LRRC7: variants seen among roughly 807,000 people sequenced by gnomAD.
LRRC7 encodes leucine-rich repeat-containing protein 7.
Under a neutral mutation model 175.7 loss-of-function variants are expected in LRRC7, and 23 were observed. That is an observed-to-expected ratio of 0.13 (90% CI 0.09 to 0.19). LRRC7 has a LOEUF of 0.19. LRRC7 is among the 10% of genes least tolerant of loss of function. The probability of loss-of-function intolerance (pLI) is 1.00; values close to 1 mark genes in which losing one functional copy is unlikely to be tolerated. For missense variants in LRRC7, 1,354 were observed against 1,904.7 expected, an observed-to-expected ratio of 0.71 and a Z score of 5.38; for synonymous variants, 685 against 680.9, an observed-to-expected ratio of 1.01 and a Z score of -0.09.
intron 8 of LRRC7, among the ~76,000 whole-genome samples, chr1:69,939,967 A>G (rs1057077165): frequency 2.0e-5 from 3 of 152,240 alleles, no homozygotes; most frequent in Admixed American, 2.0e-4. Flanking sequence ...CATACTTCCA[A>G]ATGAGTTTCT....
chr1:69,890,190 T>C (rs1328112930), intron 7 of LRRC7, among the ~76,000 whole-genome samples: 1 of 152,226 alleles, frequency 6.6e-6, no homozygotes, highest in Non-Finnish European at 1.5e-5. Context: ...GAGGAATCAC[T>C]ATCTGGCTCT....
At position 70,129,282 on chromosome 1, in the gene LRRC7, C is replaced by G. The variant is rs980799674; in HGVS notation, c.*7395C>G. Among the ~76,000 whole-genome samples the G allele has an allele frequency of 1.3e-5, 2 of 150,752 alleles. No homozygotes were observed. The highest frequency in any genetic ancestry group is 2.9e-5 in the Non-Finnish European group (2 of 67,816). On this transcript the variant is annotated 3_prime_UTR_variant, in exon 27 of 27. Transcript: ENST00000651989. The stretch of plus-strand genomic sequence containing the variant: ...AAAAAAGTGTCACGAAAAGTGTGAG[C>G]TAGATGAATATTTGCCAGGATTTAG...
At chr1:69,816,719 A>G (rs772549827) in intron 4 of LRRC7, among the ~76,000 whole-genome samples, 12 of 152,158 alleles carry the variant, frequency 7.9e-5, no homozygotes, top group Non-Finnish European at 1.6e-4. Context: ...TACTAACTAT[A>G]GTCTCCATAG....
At chr1:69,904,056 G>A (rs12032829) in intron 7 of LRRC7, among the ~76,000 whole-genome samples, 6,452 of 152,196 alleles carry the variant, frequency 0.042, 206 homozygotes, top group East Asian at 0.15. Flanking sequence ...TAGATTCACA[G>A]CCAAATTCTA....
At chr1:70,115,704 C>A (rs1457897014) in intron 26 of LRRC7, among the ~76,000 whole-genome samples, 1 of 151,910 alleles carries the variant, frequency 6.6e-6, no homozygotes, top group Non-Finnish European at 1.5e-5. Context: ...ATAGACATAC[C>A]CAAATTATAC....
chr1:70,086,264 C>T (rs1663601525), intron 24 of LRRC7, among the ~76,000 whole-genome samples: 1 of 152,122 alleles, frequency 6.6e-6, no homozygotes, highest in East Asian at 1.9e-4. Context: ...TCTAGGACTA[C>T]AGGTGTGCAC....
chr1:70,141,148 A>G lies in LRRC7; in HGVS notation c.*19261A>G, dbSNP rs540069671. ...GAAGAGATAACAAAAGATGTAGATA[A>G]GAGGACATTGTTAACTGGTGGCTGC... On this transcript the variant is annotated 3_prime_UTR_variant, in exon 27 of 27. Transcript: ENST00000651989. Among the ~76,000 whole-genome samples, 2 of 152,264 alleles carry G rather than the reference A, an allele frequency of 1.3e-5. No homozygotes were observed. The highest frequency in any genetic ancestry group is 3.9e-4 in the East Asian group (2 of 5,178).
At chr1:69,904,580 T>G (rs1646237553) in intron 7 of LRRC7, among the ~76,000 whole-genome samples, 1 of 152,138 alleles carries the variant, frequency 6.6e-6, no homozygotes, top group South Asian at 2.1e-4. Context: ...TCGAGTAACA[T>G]AAAAAATTAT....
intron 1 of LRRC7, among the ~76,000 whole-genome samples, chr1:69,604,174 C>T (rs1446945659): frequency 6.6e-6 from 1 of 151,990 alleles, no homozygotes; most frequent in Admixed American, 6.6e-5. Context: ...TGGGAATTTA[C>T]GTAGATGAAT....
chr1:69,792,126 A>G lies in LRRC7; in HGVS notation c.387A>G (p.Leu129=), dbSNP rs773300750. Residue 129 remains leucine, a synonymous_variant, in exon 4 of 27, where the codon TTA becomes TTG. Coordinates refer to ENST00000651989, the MANE Select transcript of LRRC7 (RefSeq NM_001370785.2). ...ATCTGCCAACCACTATTGCTAGTTT[A>G]GTTAATCTTAAAGAACTCGACATCA... ...LSNLPTTIAS[L]VNLKELDISK... is the part of the protein sequence containing the mutation. 76 of 1,607,862 alleles carry G rather than the reference A, an allele frequency of 4.7e-5. No individual in the cohort carries two copies. Among genetic ancestry groups the G allele is most frequent in the Middle Eastern group, 3.3e-4 (2 of 6,040 alleles).
chr1:69,842,411 C>T (rs979849458), intron 7 of LRRC7, among the ~76,000 whole-genome samples: 2 of 152,002 alleles, frequency 1.3e-5, no homozygotes, highest in Non-Finnish European at 2.9e-5. Context: ...TATGTAAATG[C>T]ATGTGTTAAT....
In LRRC7 at chr1:70,143,495, A is replaced by G. The variant is rs1228343856; in HGVS notation, c.*21608A>G. 2 of 152,172 alleles carry G rather than the reference A, an allele frequency of 1.3e-5. No individual in the cohort carries two copies. The highest frequency in any genetic ancestry group is 2.9e-5 in the Non-Finnish European group (2 of 68,014). 9.4% of individuals were successfully genotyped at this position (152,172 alleles called of 1,614,324 possible). A position where few individuals can be genotyped will look rare whatever the true frequency, so the allele number is the denominator to read the frequency against. On this transcript the variant is annotated 3_prime_UTR_variant, in exon 27 of 27. Transcript: ENST00000651989. ...TATATTAATGCATGCATTTCACTGC[A>G]TAGTTTATTGACACTACCCTTGTAA...
At chr1:69,899,392 CT>C (rs756373429) in intron 7 of LRRC7, among the ~76,000 whole-genome samples, 173 of 152,302 alleles carry the variant, frequency 1.1e-3, no homozygotes, top group Middle Eastern at 0.01. Context: ...CCTAACAAGA[CT>C]CCTGAAGTAG....
intron 25 of LRRC7, among the ~76,000 whole-genome samples, chr1:70,103,242 A>AAC (rs973800268): frequency 2.6e-5 from 4 of 152,016 alleles, no homozygotes; most frequent in African/African-American, 9.7e-5. Context: ...AAGAAAAAAA[A>AAC]AAAAACCTAA....
chr1:69,944,875 G>A (rs979211360), intron 8 of LRRC7, among the ~76,000 whole-genome samples: 1 of 151,556 alleles, frequency 6.6e-6, no homozygotes, highest in African/African-American at 2.4e-5. Flanking sequence ...CTATTATTGA[G>A]TCTTTTTAAT....
rs530535317 is a variant in LRRC7 at position 70,124,756 on chromosome 1, A to G, written c.*2869A>G. The stretch of plus-strand genomic sequence containing the variant: ...AAAAAAAGTCAAGGGTGTGCCTTTT[A>G]AAAAAAAAAAAGAAAAATCAATAAC... On this transcript the variant is annotated 3_prime_UTR_variant, in exon 27 of 27. Transcript: ENST00000651989. Among the ~76,000 whole-genome samples the G allele has an allele frequency of 1.3e-5, 1 of 78,606 alleles. No individual in the cohort carries two copies. The highest frequency in any genetic ancestry group is 3.8e-5 in the Non-Finnish European group (1 of 26,430). 51.6% of individuals were successfully genotyped at this position (78,606 alleles called of 152,430 possible).
chr1:69,636,547 G>A (rs1653396705), intron 1 of LRRC7, among the ~76,000 whole-genome samples: 1 of 151,780 alleles, frequency 6.6e-6, no homozygotes, highest in African/African-American at 2.4e-5. Flanking sequence ...TATTATGGCT[G>A]TTCAGAAGTT....
chr1:69,795,644 G>A (rs1364915033), intron 4 of LRRC7, among the ~76,000 whole-genome samples: 2 of 152,056 alleles, frequency 1.3e-5, no homozygotes, highest in African/African-American at 4.8e-5. Flanking sequence ...GTCAATCTAG[G>A]TTAAAATTAC....
chr1:69,783,882 T>C (rs557378467), intron 3 of LRRC7, among the ~76,000 whole-genome samples: 2 of 152,120 alleles, frequency 1.3e-5, no homozygotes, highest in African/African-American at 4.8e-5. Flanking sequence ...CATTAAAACA[T>C]TTAGAAGAAA....
Sources: gnomAD v4.1 joint callset for allele counts (sites outside exome capture counted in the v4.1 genomes callset) on GRCh38, gnomAD v4.1.1 for gene constraint, MANE v1.5 for transcripts, NCBI Gene and HGNC (gene_info 2026-07-23, HGNC 2026-07-21) for gene names.